Variants in TMEM132B observed in about 807,000 individuals in gnomAD.
TMEM132B encodes the protein transmembrane protein 132B.
TMEM132B carries 18 observed loss-of-function variants against 90.8 expected under a neutral mutation model. The observed-to-expected ratio is 0.20, with a 90% CI of 0.14 to 0.29. The LOEUF is 0.29. TMEM132B is among the 10% of genes least tolerant of loss of function. The pLI, the probability that TMEM132B is intolerant of heterozygous loss-of-function variation, is 1.00. For missense variants in TMEM132B, 1,096 were observed against 1,326.8 expected, an observed-to-expected ratio of 0.83 and a Z score of 2.70; for synonymous variants, 504 against 523.3, an observed-to-expected ratio of 0.96 and a Z score of 0.50.
intron 1 of TMEM132B, among the ~76,000 whole-genome samples, chr12:125,190,374 T>G (rs904862736): frequency 3.1e-5 from 4 of 130,806 alleles, no homozygotes; most frequent in Admixed American, 1.6e-4. Flanking sequence ...GTGGTGATGG[T>G]GATGGGAAAG....
At chr12:125,466,152 A>G (rs1357096999) in intron 3 of TMEM132B, among the ~76,000 whole-genome samples, 2 of 152,196 alleles carry the variant, frequency 1.3e-5, no homozygotes, top group Admixed American at 6.5e-5. Context: ...TATTTAAAGC[A>G]TGTCATTTCA....
chr12:125,459,311 C>T lies in TMEM132B; in HGVS notation c.1106+43634C>T, dbSNP rs1164238263. The stretch of plus-strand genomic sequence containing the variant: ...CCCAGGAGTATGAACACTGCTGCCT[C>T]CCACTGTTATCCTGCATGCTTGTCT... On this transcript the variant is annotated intron_variant, in intron 3 of 8. Coordinates refer to ENST00000682704, the MANE Select transcript of TMEM132B (RefSeq NM_001366854.1). The surrounding 1 kb of genome is among the most constrained non-coding windows in gnomAD (Gnocchi z 4.1). Among the ~76,000 whole-genome samples, 1 of 152,154 alleles carries T rather than the reference C, an allele frequency of 6.6e-6. No homozygotes were observed. The highest frequency in any genetic ancestry group is 6.5e-5 in the Admixed American group (1 of 15,286).
intron 1 of TMEM132B, among the ~76,000 whole-genome samples, chr12:125,203,352 A>G (rs1372894506): frequency 2.0e-5 from 3 of 152,212 alleles, no homozygotes; most frequent in Non-Finnish European, 4.4e-5. Flanking sequence ...TACCCCCTAG[A>G]GGCAGTGCAC....
chr12:125,413,948 G>A (rs149338813), intron 2 of TMEM132B, among the ~76,000 whole-genome samples: 14 of 152,306 alleles, frequency 9.2e-5, no homozygotes, highest in African/African-American at 1.9e-4. Flanking sequence ...ACCACTTTAC[G>A]TTCCCCAGAG....
chr12:125,607,846 G>T (rs956651369), intron 5 of TMEM132B, among the ~76,000 whole-genome samples: 4 of 152,034 alleles, frequency 2.6e-5, no homozygotes, highest in African/African-American at 7.2e-5. Flanking sequence ...TCATATAAAC[G>T]GAATCATACA....
chr12:125,446,283 A>G (rs913859588), intron 3 of TMEM132B, among the ~76,000 whole-genome samples: 1 of 152,212 alleles, frequency 6.6e-6, no homozygotes, highest in African/African-American at 2.4e-5. Context: ...TAGGTGCTCA[A>G]TGAATGCTAG....
intron 1 of TMEM132B, among the ~76,000 whole-genome samples, chr12:125,272,674 T>C (rs992783844): frequency 1.3e-5 from 2 of 152,148 alleles, no homozygotes; most frequent in Non-Finnish European, 2.9e-5. Flanking sequence ...CACAATTGTC[T>C]CCATGGCAAT....
At chr12:125,470,749 G>A (rs994750294) in intron 3 of TMEM132B, among the ~76,000 whole-genome samples, 4 of 152,172 alleles carry the variant, frequency 2.6e-5, no homozygotes, top group East Asian at 1.9e-4. Flanking sequence ...TGGGGGGTTT[G>A]CCTCACTCCT....
At chr12:125,540,469 C>A (rs1883924155) in intron 4 of TMEM132B, among the ~76,000 whole-genome samples, 1 of 152,134 alleles carries the variant, frequency 6.6e-6, no homozygotes, top group Non-Finnish European at 1.5e-5. Context: ...TCAGATTTTG[C>A]TCTATCCATT....
chr12:125,505,497 G>C (rs1313930690), intron 3 of TMEM132B, among the ~76,000 whole-genome samples: 2 of 151,970 alleles, frequency 1.3e-5, no homozygotes, highest in African/African-American at 4.8e-5. Context: ...TCAGGAGTTT[G>C]AGACCAGCCT....
intron 3 of TMEM132B, among the ~76,000 whole-genome samples, chr12:125,468,835 A>T (rs1382445278): frequency 6.6e-6 from 1 of 152,282 alleles, no homozygotes; most frequent in African/African-American, 2.4e-5. Flanking sequence ...TTTATACCTA[A>T]GTATTTTATT....
intron 1 of TMEM132B, among the ~76,000 whole-genome samples, chr12:125,279,264 A>C (rs1287030823): frequency 1.3e-5 from 2 of 152,222 alleles, no homozygotes; most frequent in Non-Finnish European, 2.9e-5. Flanking sequence ...GTATGCATAG[A>C]AAAATAAATG....
At chr12:125,452,956 C>T (rs578082611) in intron 3 of TMEM132B, among the ~76,000 whole-genome samples, 30 of 151,866 alleles carry the variant, frequency 2.0e-4, no homozygotes, top group Non-Finnish European at 3.8e-4. Flanking sequence ...GTAAGTATTG[C>T]GGTAGTTTAA....
At chr12:125,224,244 T>G (rs1873626243) in intron 1 of TMEM132B, among the ~76,000 whole-genome samples, 1 of 152,106 alleles carries the variant, frequency 6.6e-6, no homozygotes, top group African/African-American at 2.4e-5. Context: ...TTGGCTATGG[T>G]GAATAGTGCT....
chr12:125,298,673 C>CA (rs36048797), intron 1 of TMEM132B, among the ~76,000 whole-genome samples: 48,504 of 104,604 alleles, frequency 0.46, 11,485 homozygotes, highest in African/African-American at 0.57. Flanking sequence ...GACTCTGTCT[C>CA]AAAAAAAAAA....
At chr12:125,389,013 TACAC>T (rs71447042) in intron 2 of TMEM132B, among the ~76,000 whole-genome samples, 18,614 of 139,920 alleles carry the variant, frequency 0.13, 1,237 homozygotes, top group South Asian at 0.18. Flanking sequence ...ATATTTTCTG[TACAC>T]ACACACACAC....
chr12:125,601,777 G>A (rs1486000719), intron 5 of TMEM132B, among the ~76,000 whole-genome samples: 2 of 149,826 alleles, frequency 1.3e-5, no homozygotes, highest in South Asian at 2.1e-4. Flanking sequence ...ATGATAAAGG[G>A]GATATCACCA....
At chr12:125,501,113 TTTGGTAA>T (rs1217646281) in intron 3 of TMEM132B, among the ~76,000 whole-genome samples, 2 of 152,214 alleles carry the variant, frequency 1.3e-5, no homozygotes, top group African/African-American at 4.8e-5. Context: ...CAACTTGTCT[TTTGGTAA>T]TTGGATGGGA....
intron 1 of TMEM132B, among the ~76,000 whole-genome samples, chr12:125,217,558 C>T (rs1434651014): frequency 8.5e-5 from 13 of 152,132 alleles, no homozygotes; most frequent in African/African-American, 2.9e-4. Context: ...GCGATCCTCC[C>T]GCCTCAGCCT....
Sources: gnomAD v4.1 joint callset for allele counts (sites outside exome capture counted in the v4.1 genomes callset) on GRCh38, gnomAD v4.1.1 for gene constraint, Gnocchi (gnomAD v3.1) non-coding constraint, MANE v1.5 for transcripts, NCBI Gene and HGNC (gene_info 2026-07-23, HGNC 2026-07-21) for gene names.